Variants in PCDH15 observed in about 807,000 individuals in gnomAD.
PCDH15 encodes the protein protocadherin-15.
In PCDH15, 129 loss-of-function variants were observed where a neutral mutation model predicts 178.5. The ratio of observed to expected loss-of-function variants is 0.72; its 90% CI spans 0.63 to 0.84. PCDH15 has a LOEUF of 0.84. Among genes scored for constraint, PCDH15 ranks in the 40% least tolerant of loss-of-function variants. The pLI, the probability that PCDH15 is intolerant of heterozygous loss-of-function variation, is 0.00. For synonymous variants in PCDH15, 800 were observed against 732.0 expected, an observed-to-expected ratio of 1.09 and a Z score of -1.50; for missense variants, 2,230 against 2,099.9, an observed-to-expected ratio of 1.06 and a Z score of -1.21.
intron 2 of PCDH15, among the ~76,000 whole-genome samples, chr10:55,558,890 T>C (rs917808081): frequency 6.6e-6 from 1 of 152,080 alleles, no homozygotes; most frequent in Non-Finnish European, 1.5e-5. Flanking sequence ...TGAAGTGTAA[T>C]ACATGTACAG....
At chr10:55,293,268 C>T (rs548315065) in intron 1 of PCDH15, among the ~76,000 whole-genome samples, 2 of 152,238 alleles carry the variant, frequency 1.3e-5, no homozygotes, top group African/African-American at 4.8e-5. Flanking sequence ...CACTAGGTTG[C>T]ACATAGCATA....
intron 3 of PCDH15, among the ~76,000 whole-genome samples, chr10:54,883,666 A>C (rs1449467046): frequency 6.6e-6 from 1 of 151,980 alleles, no homozygotes; most frequent in Non-Finnish European, 1.5e-5. Flanking sequence ...ATGTGCTATC[A>C]AACTTCATTA....
chr10:54,466,685 T>C lies in PCDH15; in HGVS notation c.157+61127A>G, dbSNP rs2136586222. ...CCTCTTTATGGGTTCTACATAAATA[T>C]TTTTCTATTTTTGTAAAATTGCCAT... On this transcript the variant is annotated intron_variant, in intron 3 of 37. Coordinates refer to ENST00000644397, the MANE Select transcript of PCDH15 (RefSeq NM_001384140.1). Among the ~76,000 whole-genome samples, 4 of 152,078 alleles carry C rather than the reference T, an allele frequency of 2.6e-5. No individual in the cohort carries two copies. In the Middle Eastern group the frequency reaches 0.01, roughly 388 times the overall value.
At chr10:54,809,997 T>G (rs1952838462) in intron 3 of PCDH15, among the ~76,000 whole-genome samples, 1 of 152,182 alleles carries the variant, frequency 6.6e-6, no homozygotes, top group African/African-American at 2.4e-5. Flanking sequence ...GAGATGCTTC[T>G]CTCAGTTTCA....
intron 3 of PCDH15, among the ~76,000 whole-genome samples, chr10:54,449,453 C>A (rs1034271036): frequency 2.0e-5 from 3 of 151,692 alleles, no homozygotes; most frequent in African/African-American, 4.8e-5. Flanking sequence ...GTAAATATAA[C>A]CTTCTCTATC....
intron 3 of PCDH15, among the ~76,000 whole-genome samples, chr10:54,421,000 C>A (rs148601664): frequency 6.6e-6 from 1 of 152,094 alleles, no homozygotes; most frequent in African/African-American, 2.4e-5. Context: ...TGGAATACCA[C>A]GAAAAAAGCT....
chr10:54,975,773 G>T (rs1244559614), intron 2 of PCDH15, among the ~76,000 whole-genome samples: 1 of 151,978 alleles, frequency 6.6e-6, no homozygotes, highest in Non-Finnish European at 1.5e-5. Context: ...AGTATGGCCG[G>T]GAAAACACTG....
At chr10:54,422,867 A>C (rs950396519) in intron 3 of PCDH15, among the ~76,000 whole-genome samples, 7 of 152,186 alleles carry the variant, frequency 4.6e-5, no homozygotes, top group African/African-American at 1.7e-4. Context: ...CCTATAATAT[A>C]ATCAAAACTT....
At chr10:54,326,898 G>A in intron 7 of PCDH15, among the ~76,000 whole-genome samples, 1 of 152,132 alleles carries the variant, frequency 6.6e-6, no homozygotes, top group East Asian at 1.9e-4. Context: ...ACATTTCATT[G>A]TGTACTGTAT....
intron 1 of PCDH15, among the ~76,000 whole-genome samples, chr10:54,752,986 T>C (rs750770306): frequency 2.2e-4 from 33 of 152,116 alleles, no homozygotes; most frequent in South Asian, 4.1e-4. Context: ...ATATTGACAA[T>C]ATAATTCTAT....
chr10:54,181,307 T>C (rs1236869688), intron 13 of PCDH15, among the ~76,000 whole-genome samples: 3 of 152,216 alleles, frequency 2.0e-5, no homozygotes, highest in East Asian at 3.8e-4. Flanking sequence ...ATTCATTCAA[T>C]ATTACTTGTC....
At chr10:54,582,313 C>T (rs1471919475) in intron 2 of PCDH15, among the ~76,000 whole-genome samples, 1 of 152,020 alleles carries the variant, frequency 6.6e-6, no homozygotes, top group African/African-American at 2.4e-5. Flanking sequence ...AAACAGCCAA[C>T]AAACAAATGA....
chr10:53,869,530 T>A (rs2079683624), intron 26 of PCDH15, among the ~76,000 whole-genome samples: 1 of 152,204 alleles, frequency 6.6e-6, no homozygotes, highest in African/African-American at 2.4e-5. Context: ...AAACTTTTTA[T>A]TATTAATGTA....
intron 1 of PCDH15, among the ~76,000 whole-genome samples, chr10:55,170,697 C>T (rs941201931): frequency 1.3e-5 from 2 of 151,966 alleles, no homozygotes; most frequent in Non-Finnish European, 2.9e-5. Context: ...GCCTGACCAA[C>T]ATGGTGAAAC....
intron 27 of PCDH15, among the ~76,000 whole-genome samples, chr10:53,860,009 T>TCTACCATGA (rs1181806179): frequency 1.3e-5 from 2 of 152,156 alleles, no homozygotes; most frequent in African/African-American, 4.8e-5. Context: ...ATTCCATATG[T>TCTACCATGA]CTACCATTAC....
At chr10:54,827,057 A>C (rs1564544514) in intron 3 of PCDH15, among the ~76,000 whole-genome samples, 1 of 152,224 alleles carries the variant, frequency 6.6e-6, no homozygotes, top group Admixed American at 6.6e-5. Flanking sequence ...CCTGGTTCCA[A>C]GTGCACATAT....
chr10:54,117,587 T>A (rs1177106842), intron 15 of PCDH15, among the ~76,000 whole-genome samples: 1 of 152,088 alleles, frequency 6.6e-6, no homozygotes, highest in Non-Finnish European at 1.5e-5. Flanking sequence ...CTAGGAAGAA[T>A]GAGGTACATA....
In PCDH15 at chr10:54,738,039, G is replaced by A. The variant is rs532098392; in HGVS notation, c.-29+62886C>T. On this transcript the variant is annotated intron_variant, in intron 1 of 37. Coordinates refer to ENST00000644397, the MANE Select transcript of PCDH15 (RefSeq NM_001384140.1). ...AGCACTCTAGGCCATTGTCTGAGCA[G>A]GGGGTGAACTTCACATGTTCTGGAG... 2.4e-3 allele frequency among the ~76,000 whole-genome samples: 368 copies of A among 152,174 alleles called. 1 individual carries two copies. The highest frequency in any genetic ancestry group is 4.7e-3 in the Non-Finnish European group (318 of 67,988).
intron 2 of PCDH15, among the ~76,000 whole-genome samples, chr10:55,423,530 A>T (rs1838675719): frequency 6.6e-6 from 1 of 152,034 alleles, no homozygotes; most frequent in Non-Finnish European, 1.5e-5. Flanking sequence ...AAGAAAGCAC[A>T]CTATTTCCAG....
Sources: allele counts gnomAD v4.1 joint callset (sites outside exome capture counted in the v4.1 genomes callset), GRCh38; gene constraint gnomAD v4.1.1; transcripts MANE v1.5; gene names NCBI Gene and HGNC (gene_info 2026-07-23, HGNC 2026-07-21).